The following ZFP82 variants were observed in gnomAD, a reference collection of about 807,000 sequenced individuals.
ZFP82 encodes the protein ZFP82 zinc finger protein, also known as zinc finger protein 82 homolog.
Under a neutral mutation model 54.0 loss-of-function variants are expected in ZFP82, and 30 were observed. The observed-to-expected ratio is 0.56, with a 90% CI of 0.42 to 0.75. ZFP82 has a LOEUF of 0.75. Among genes scored for constraint, ZFP82 ranks in the 30% least tolerant of loss-of-function variants. The pLI is 0.00. For missense variants in ZFP82, 500 were observed against 636.8 expected (o/e 0.79, Z 2.31); for synonymous variants, 194 against 209.5 (o/e 0.93, Z 0.64).
Position 36,393,457 on chromosome 19 carries a change from C to A in ZFP82, c.883G>T (p.Ala295Ser), listed in dbSNP as rs773772574. 1.9e-6 allele frequency: 3 copies of A among 1,613,318 alleles called. No homozygotes were observed. Among genetic ancestry groups the A allele is most frequent in the East Asian group, 2.2e-5 (1 of 44,800 alleles). Residue 295 changes from alanine to serine, a missense_variant, in exon 5 of 5, where the codon GCA (alanine) becomes TCA (serine). By Grantham distance (99) the Ala-to-Ser change is moderately conservative. Coordinates refer to ENST00000392161, the MANE Select transcript of ZFP82 (RefSeq NM_133466.4). The part of the protein sequence containing the change: ...KECGKAFRQY[A>S]HLTRHQKLNS... ...AGCTTCTGATGCCGAGTCAGGTGTG[C>A]GTACTGTCTAAAGGCTTTTCCACAC...
At chr19:36,386,910 G>A (rs879846471), downstream of ZFP82, among the ~76,000 whole-genome samples, 15 of 152,220 alleles carry the variant, frequency 9.9e-5, no homozygotes, top group Non-Finnish European at 2.2e-4. Context: ...ACTCCAGCCT[G>A]GGTGACAGAG....
chr19:36,386,179 T>C (rs1219604608), downstream of ZFP82, among the ~76,000 whole-genome samples: 5 of 152,222 alleles, frequency 3.3e-5, no homozygotes, highest in African/African-American at 1.2e-4. Flanking sequence ...GCCTCATGAC[T>C]CTGCTTCCCA....
At chr19:36,385,260 G>A (rs55888544), downstream of ZFP82, among the ~76,000 whole-genome samples, 792 of 152,166 alleles carry the variant, frequency 5.2e-3, 7 homozygotes, top group African/African-American at 0.018. Flanking sequence ...TTGCCCTTCC[G>A]CCATGAGATG....
chr19:36,413,931 C>T (rs1307885711), intron 1 of ZFP82, among the ~76,000 whole-genome samples: 4 of 144,062 alleles, frequency 2.8e-5, no homozygotes, highest in East Asian at 2.0e-4. Flanking sequence ...GATGCAGTCT[C>T]GCTCTGTTAC....
At position 36,407,164 on chromosome 19, in the gene ZFP82, C is replaced by A. The variant is rs1478563923; in HGVS notation, c.136+723G>T. On this transcript the variant is annotated intron_variant, in intron 3 of 4. Transcript: ENST00000392161. ...GGATCTCAGCTCACTGCAAGCTCCG[C>A]CTCCCGGGTTCACGCCATTCTCCTG... Among the ~76,000 whole-genome samples the A allele has an allele frequency of 6.9e-4, 103 of 149,424 alleles. 1 individual carries two copies. The East Asian group carries it at 0.017, about 25-fold the overall frequency.
chr19:36,411,834 C>T (rs2032585719), intron 1 of ZFP82, among the ~76,000 whole-genome samples: 1 of 138,062 alleles, frequency 7.2e-6, no homozygotes, highest in South Asian at 2.2e-4. Context: ...CACTGCACTC[C>T]AGCCTGGGCA....
intron 1 of ZFP82, among the ~76,000 whole-genome samples, chr19:36,414,825 C>CTTTT (rs11445531): frequency 1.1e-4 from 16 of 142,456 alleles, no homozygotes; most frequent in African/African-American, 2.3e-4. Context: ...ATATTAAATA[C>CTTTT]TTTTTTTTTT....
chr19:36,392,955 C>A lies in ZFP82; in HGVS notation c.1385G>T (p.Arg462Leu). Residue 462 changes from arginine (R) to leucine (L), a missense_variant, in exon 5 of 5, where the codon CGC (arginine) becomes CTC (leucine). Physicochemically the swap from Arg to Leu is moderately radical, Grantham distance 102. Coordinates refer to ENST00000392161, the MANE Select transcript of ZFP82 (RefSeq NM_133466.4). The stretch of plus-strand genomic sequence containing the variant: ...GCTCTGATGTAGAGTAAGTTTTTGG[C>A]GCAATCTAAAGGCCTTGCCACATTC... ...CKECGKAFRL[R>L]QKLTLHQSIH... The A allele has an allele frequency of 6.2e-7, 1 of 1,613,672 alleles. No homozygotes were observed. The highest frequency in any genetic ancestry group is 8.5e-7 in the Non-Finnish European group (1 of 1,179,846).
chr19:36,412,186 T>C (rs1568491556), intron 1 of ZFP82, among the ~76,000 whole-genome samples: 1 of 151,880 alleles, frequency 6.6e-6, no homozygotes, highest in South Asian at 2.1e-4. Flanking sequence ...CTTAGAAAAA[T>C]AAAATGAACA....
chr19:36,401,265 G>A (rs183886386), intron 4 of ZFP82, among the ~76,000 whole-genome samples: 600 of 152,114 alleles, frequency 3.9e-3, no homozygotes, highest in Non-Finnish European at 6.3e-3. Flanking sequence ...GGCTGTAATC[G>A]CTCCAAGTTC....
chr19:36,404,442 C>T (rs2032446174), intron 4 of ZFP82, among the ~76,000 whole-genome samples: 1 of 152,224 alleles, frequency 6.6e-6, no homozygotes, highest in African/African-American at 2.4e-5. Context: ...AACATGACAG[C>T]TATTCCAGTC....
chr19:36,408,013 G>A lies in ZFP82; in HGVS notation c.10C>T (p.Arg4Ter). The A allele has an allele frequency of 2.5e-6, 4 of 1,611,558 alleles. No individual in the cohort carries two copies. Among genetic ancestry groups the A allele is most frequent in the South Asian group, 1.1e-5 (1 of 90,784 alleles). The part of the protein sequence containing the change: MAL[R>*]SVMFSDVSID... ...GATACATCACTGAACATCACTGATC[G>A]CTGAAATGACAAACCACACATTATA... Residue 4 changes from arginine to a stop codon, truncating the protein, a stop_gained and splice_region_variant, in exon 3 of 5, where the codon CGA (arginine) becomes TGA (stop). Transcript: ENST00000392161. LOFTEE classifies it high-confidence loss of function.
At chr19:36,384,453 C>G (rs1390344249), downstream of ZFP82, 2 of 152,200 alleles carry the variant, frequency 1.3e-5, no homozygotes, top group East Asian at 3.8e-4. Context: ...AGTAGAATCA[C>G]ATCTGCAATA....
At position 36,393,763 on chromosome 19, in the gene ZFP82, T is replaced by C; in HGVS notation, c.577A>G (p.Thr193Ala). ...QQLTFHHRIH[T>A]GEKPYECKEC... Reference sequence around the variant, plus strand: ...TTACATTCATACGGTTTTTCACCAGTATGAATTCTGTGATGAAAAGTAAGC... The same window carrying C: ...TTACATTCATACGGTTTTTCACCAGCATGAATTCTGTGATGAAAAGTAAGC... The change falls in exon 5 of 5, where the codon ACT (threonine) becomes GCT (alanine). Residue 193 changes from threonine to alanine, a missense_variant. Thr to Ala is a moderately conservative substitution (Grantham distance 58). Transcript: ENST00000392161. 1 of 1,614,004 alleles carries C rather than the reference T, an allele frequency of 6.2e-7. No individual in the cohort carries two copies. The highest frequency in any genetic ancestry group is 8.5e-7 in the Non-Finnish European group (1 of 1,180,006).
rs116980665 is a variant in ZFP82, at chr19:36,416,999, G to A, written c.-79+1493C>T. Among the ~76,000 whole-genome samples, 164 of 142,260 alleles carry A rather than the reference G, an allele frequency of 1.2e-3. 1 individual carries two copies. In the East Asian group the frequency reaches 0.022, roughly 19 times the overall value. The allele number at this position is 142,260 out of a possible 152,430, so 93.3% of individuals were successfully genotyped here. A position where few individuals can be genotyped will look rare whatever the true frequency, so the allele number is the denominator to read the frequency against. On this transcript the variant is annotated intron_variant, in intron 1 of 4. Coordinates refer to ENST00000392161, the MANE Select transcript of ZFP82 (RefSeq NM_133466.4). ...GAGGTATAAGAATCGCTTGAACCAC[G>A]GAAAGGGAGGTTGCAGTGAGCTGAG... is the stretch of plus-strand genomic sequence containing the variant.
intron 4 of ZFP82, among the ~76,000 whole-genome samples, chr19:36,403,906 C>T (rs887548061): frequency 2.6e-5 from 4 of 152,126 alleles, no homozygotes; most frequent in Admixed American, 6.6e-5. Context: ...TCTTTTATTT[C>T]CCTTTAATAA....
At chr19:36,417,620 G>GC (rs2032695145) in intron 1 of ZFP82, among the ~76,000 whole-genome samples, 1 of 152,072 alleles carries the variant, frequency 6.6e-6, no homozygotes, top group South Asian at 2.1e-4. Context: ...GCCCAGCCTC[G>GC]CATAGGGCAC....
intron 1 of ZFP82, among the ~76,000 whole-genome samples, chr19:36,411,432 G>A (rs905447838): frequency 6.6e-6 from 1 of 152,022 alleles, no homozygotes; most frequent in African/African-American, 2.4e-5. Flanking sequence ...ACCCATATTT[G>A]CAAGCATGAG....
intron 1 of ZFP82, among the ~76,000 whole-genome samples, chr19:36,410,288 T>C (rs886795242): frequency 6.6e-6 from 1 of 152,178 alleles, no homozygotes; most frequent in African/African-American, 2.4e-5. Flanking sequence ...ATCAGAATCA[T>C]CCACATTGTT....
Sources: allele counts gnomAD v4.1 joint callset (sites outside exome capture counted in the v4.1 genomes callset), GRCh38; gene constraint gnomAD v4.1.1; transcripts MANE v1.5; gene names NCBI Gene and HGNC (gene_info 2026-07-23, HGNC 2026-07-21).